The following NDUFV2 variants were observed in gnomAD, a reference collection of about 807,000 sequenced individuals.
NDUFV2 encodes NADH:ubiquinone oxidoreductase core subunit V2.
NDUFV2 carries 18 observed loss-of-function variants against 31.6 expected under a neutral mutation model. That is an observed-to-expected ratio of 0.57 (90% CI 0.39 to 0.84). The LOEUF is 0.84. Ranked by LOEUF, NDUFV2 falls within the 40% of genes least tolerant of loss-of-function variation. The pLI is 0.00. For synonymous variants in NDUFV2, 83 were observed against 99.8 expected, an observed-to-expected ratio of 0.83 and a Z score of 1.01; for missense variants, 314 against 303.6, an observed-to-expected ratio of 1.03 and a Z score of -0.26.
chr18:9,104,863 A>G, intron 1 of NDUFV2: 2 of 1,416,586 alleles, frequency 1.4e-6, no homozygotes, highest in Non-Finnish European at 1.9e-6. Context: ...AAGTAGAGTA[A>G]GCTCAAAAAA....
intron 7 of NDUFV2, among the ~76,000 whole-genome samples, chr18:9,129,937 A>T (rs2078025352): frequency 6.6e-6 from 1 of 152,210 alleles, no homozygotes; most frequent in Admixed American, 6.5e-5. Context: ...CTAAGGATTT[A>T]TGAGTGATTT....
At chr18:9,128,860 T>G (rs2078015120) in intron 7 of NDUFV2, among the ~76,000 whole-genome samples, 1 of 152,266 alleles carries the variant, frequency 6.6e-6, no homozygotes, top group South Asian at 2.1e-4. Context: ...TCCACTTGGG[T>G]TCTTTAGATG....
At chr18:9,121,870 T>G (rs879276270) in intron 4 of NDUFV2, among the ~76,000 whole-genome samples, 3 of 152,226 alleles carry the variant, frequency 2.0e-5, no homozygotes, top group Non-Finnish European at 4.4e-5. Flanking sequence ...GACTATATGA[T>G]TCAACTTTCA....
At chr18:9,117,961 A>G in intron 2 of NDUFV2, 58 bp downstream of exon 2, 2 of 1,229,264 alleles carry the variant, frequency 1.6e-6, no homozygotes, top group Non-Finnish European at 1.2e-6. Flanking sequence ...GGGTAAATCC[A>G]TTGTAAAAAT....
intron 7 of NDUFV2, among the ~76,000 whole-genome samples, 178 bp from the exon 8 acceptor site, chr18:9,134,008 A>G (rs944489309): frequency 6.6e-6 from 1 of 152,170 alleles, no homozygotes. Context: ...GTTTTTCCAT[A>G]TTTAAATTTA....
chr18:9,124,048 C>T (rs1361769136), intron 5 of NDUFV2, among the ~76,000 whole-genome samples: 1 of 152,000 alleles, frequency 6.6e-6, no homozygotes, highest in East Asian at 1.9e-4. Flanking sequence ...TTAATTATTA[C>T]AATCAAAATG....
intron 2 of NDUFV2, 26 bp downstream of exon 2, chr18:9,117,929 G>T: frequency 1.3e-6 from 2 of 1,494,914 alleles, no homozygotes; most frequent in African/African-American, 2.7e-5. Context: ...GATTTCTTTG[G>T]AAAGAAAAGA....
intron 1 of NDUFV2, among the ~76,000 whole-genome samples, chr18:9,105,326 T>C (rs1484994759): frequency 1.3e-5 from 2 of 152,260 alleles, no homozygotes; most frequent in East Asian, 1.9e-4. Context: ...GCTTAAAATA[T>C]GGCTAGAATT....
intron 5 of NDUFV2, 49 bp downstream of exon 5, chr18:9,122,730 C>G (rs747191283): frequency 1.3e-6 from 2 of 1,589,710 alleles, no homozygotes; most frequent in Non-Finnish European, 1.7e-6. Flanking sequence ...AGAATTGTCT[C>G]TCTAGATTTG....
chr18:9,119,223 TA>T, intron 2 of NDUFV2, 102 bp from the exon 3 acceptor site: 1 of 923,302 alleles, frequency 1.1e-6, no homozygotes, highest in Non-Finnish European at 1.8e-6. Flanking sequence ...ATGTTGGAAT[TA>T]AAATGGAGAG....
intron 1 of NDUFV2, 157 bp from the exon 2 acceptor site, chr18:9,117,681 C>T (rs2077905634): frequency 7.0e-6 from 4 of 574,118 alleles, no homozygotes; most frequent in South Asian, 4.2e-5. Context: ...TAAAATAACT[C>T]TCCTGAAATA....
chr18:9,122,352 A>G (rs889287188), intron 4 of NDUFV2, among the ~76,000 whole-genome samples, 161 bp from the exon 5 acceptor site: 2 of 152,214 alleles, frequency 1.3e-5, no homozygotes, highest in South Asian at 4.1e-4. Flanking sequence ...TGAAGAGTTT[A>G]TATCTCCCAG....
At chr18:9,106,597 A>T (rs1389064792) in intron 1 of NDUFV2, among the ~76,000 whole-genome samples, 1 of 152,224 alleles carries the variant, frequency 6.6e-6, no homozygotes, top group Admixed American at 6.5e-5. Flanking sequence ...TGTGACTCAA[A>T]GGACTCTAAA....
In NDUFV2 at chr18:9,124,555, T is replaced by C. The variant is rs1315647553; in HGVS notation, c.470-319T>C. Among the ~76,000 whole-genome samples the C allele has an allele frequency of 2.7e-5, 4 of 149,154 alleles. No homozygotes were observed. The East Asian group carries it at 8.1e-4, about 30-fold the overall frequency. ...GCTCCGCCTCCTGGGTTCACGCCAC[T>C]CTCCTGCCTCAGCCTCCCGAGTAGG... On this transcript the variant is annotated intron_variant, in intron 5 of 7. Coordinates refer to ENST00000318388, the MANE Select transcript of NDUFV2 (RefSeq NM_021074.5).
intron 1 of NDUFV2, chr18:9,104,049 T>TA (rs901542497): frequency 1.7e-6 from 2 of 1,169,800 alleles, no homozygotes; most frequent in African/African-American, 1.5e-5. Context: ...AGTACAGTGT[T>TA]AGAGAGATGA....
intron 6 of NDUFV2, 53 bp downstream of exon 6, chr18:9,125,036 A>G: frequency 2.0e-6 from 3 of 1,526,296 alleles, no homozygotes; most frequent in South Asian, 1.2e-5. Context: ...TATTTAAAAC[A>G]TTTTAAATAT....
intron 1 of NDUFV2, among the ~76,000 whole-genome samples, chr18:9,110,793 C>T (rs1237808466): frequency 1.3e-5 from 2 of 152,164 alleles, no homozygotes; most frequent in African/African-American, 4.8e-5. Context: ...TGGGTGTGAG[C>T]CACCGTGTCT....
chr18:9,112,179 C>T (rs1000568152), intron 1 of NDUFV2, among the ~76,000 whole-genome samples: 6 of 151,918 alleles, frequency 3.9e-5, no homozygotes, highest in African/African-American at 9.7e-5. Flanking sequence ...CCACCACACG[C>T]GGTGAATTTT....
chr18:9,126,086 T>G (rs1288838443), intron 6 of NDUFV2, among the ~76,000 whole-genome samples: 1 of 152,192 alleles, frequency 6.6e-6, no homozygotes, highest in African/African-American at 2.4e-5. Context: ...GGGTACTTAT[T>G]TCTTGATTTA....
Sources: gnomAD v4.1 joint callset for allele counts (sites outside exome capture counted in the v4.1 genomes callset) on GRCh38, gnomAD v4.1.1 for gene constraint, MANE v1.5 for transcripts, NCBI Gene and HGNC (gene_info 2026-07-23, HGNC 2026-07-21) for gene names.